Variants in ZNF721 observed in about 807,000 individuals in gnomAD.
The protein encoded by ZNF721 is zinc finger protein 721.
A neutral mutation model predicts 2.4 loss-of-function variants in ZNF721; 2 were observed. The ratio of observed to expected loss-of-function variants is 0.82; its 90% CI spans 0.34 to 2.58. The LOEUF (loss-of-function observed/expected upper bound fraction) is 2.58. ZNF721 is among the 30% of genes most tolerant of loss of function. ZNF721 has a pLI of 0.11. For synonymous variants in ZNF721, 398 were observed against 381.8 expected (o/e 1.04, Z -0.50); for missense variants, 1,187 against 1,085.5 (o/e 1.09, Z -1.31).
chr4:495,697 G>C (rs1716134825), intron 1 of ZNF721, among the ~76,000 whole-genome samples: 1 of 151,772 alleles, frequency 6.6e-6, no homozygotes, highest in African/African-American at 2.4e-5. Flanking sequence ...CCACCTCCCG[G>C]GTTCATACCA....
Position 443,899 on chromosome 4 carries a change from C to G in ZNF721, c.568G>C (p.Glu190Gln). ...LTAHKRIHNR[E>Q]KAYTGEDRDR... ...CGATCTTCACCTGTGTAAGCTTTCT[C>G]TCTGTTGTGAATTCTCTTATGTGCA... Residue 190 changes from glutamate (E) to glutamine (Q), a missense_variant, in exon 3 of 3, where the codon GAG becomes CAG. By Grantham distance (29) the Glu-to-Gln change is conservative (BLOSUM62 2). Transcript: ENST00000511833. The G allele has an allele frequency of 1.2e-6, 2 of 1,614,046 alleles. No individual in the cohort carries two copies. Among genetic ancestry groups the G allele is most frequent in the Non-Finnish European group, 1.7e-6 (2 of 1,179,980 alleles).
chr4:448,271 C>T (rs1714541048), intron 2 of ZNF721, among the ~76,000 whole-genome samples: 2 of 151,930 alleles, frequency 1.3e-5, no homozygotes, highest in African/African-American at 4.8e-5. Flanking sequence ...CCCGTCTCTA[C>T]TAAAAATACA....
At chr4:457,309 T>C (rs1714877244) in intron 2 of ZNF721, among the ~76,000 whole-genome samples, 2 of 152,180 alleles carry the variant, frequency 1.3e-5, no homozygotes, top group African/African-American at 4.8e-5. Flanking sequence ...AGTTATGTCC[T>C]GAAAAAAGGA....
chr4:448,442 C>CAA (rs35367332), intron 2 of ZNF721, among the ~76,000 whole-genome samples: 4 of 123,092 alleles, frequency 3.2e-5, no homozygotes, highest in Admixed American at 1.6e-4. Context: ...TATCCCCCCC[C>CAA]AAAAAAAAAA....
chr4:465,116 T>C (rs911063849), intron 2 of ZNF721, among the ~76,000 whole-genome samples: 14 of 146,452 alleles, frequency 9.6e-5, no homozygotes, highest in Non-Finnish European at 1.6e-4. Context: ...GGCCTGATGA[T>C]ACATGCCTGT....
At chr4:454,460 A>T (rs77842669) in intron 2 of ZNF721, among the ~76,000 whole-genome samples, 28 of 152,344 alleles carry the variant, frequency 1.8e-4, no homozygotes, top group African/African-American at 6.5e-4. Flanking sequence ...ATGGCATTAG[A>T]TATGCTTACC....
chr4:458,124 G>A (rs1714900978), intron 2 of ZNF721, among the ~76,000 whole-genome samples: 1 of 152,216 alleles, frequency 6.6e-6, no homozygotes, highest in African/African-American at 2.4e-5. Context: ...CACAGCGGGA[G>A]CCACACCTGC....
chr4:490,090 C>G (rs556414787), intron 1 of ZNF721, among the ~76,000 whole-genome samples: 3 of 152,050 alleles, frequency 2.0e-5, no homozygotes, highest in Non-Finnish European at 4.4e-5. Flanking sequence ...GATCCCCTGA[C>G]CTCGTGATCC....
rs1227190551 is a variant in ZNF721 at position 442,211 on chromosome 4, G to C, written c.2256C>G (p.Leu752=). ...EYKKIHTGDK[L]YKCKECGKVF... is the part of the protein sequence containing the mutation. ...CTTTCCCACATTCTTTACATTTGTA[G>C]AGTTTATCTCCAGTATGAATTTTCT... The change falls in exon 3 of 3, where the codon CTC becomes CTG. Residue 752 remains leucine (L), a synonymous_variant. Coordinates refer to ENST00000511833, the MANE Select transcript of ZNF721 (RefSeq NM_133474.4). 3 of 1,612,326 alleles carry C rather than the reference G, an allele frequency of 1.9e-6. No individual in the cohort carries two copies. The African/African-American group carries it at 4.0e-5, about 22-fold the overall frequency.
intron 2 of ZNF721, among the ~76,000 whole-genome samples, chr4:455,147 T>A (rs1714806088): frequency 6.6e-6 from 1 of 152,194 alleles, no homozygotes; most frequent in Non-Finnish European, 1.5e-5. Context: ...GCAATCTGCT[T>A]ATTATATCAT....
intron 2 of ZNF721, among the ~76,000 whole-genome samples, chr4:445,793 G>T (rs1228522025): frequency 2.0e-5 from 3 of 152,022 alleles, no homozygotes; most frequent in Admixed American, 6.6e-5. Flanking sequence ...CAGATTTATC[G>T]CAAGGCACAT....
Position 454,871 on chromosome 4 carries a change from A to G in ZNF721, c.35-10439T>C, listed in dbSNP as rs547643327. Among the ~76,000 whole-genome samples, 6 of 152,330 alleles carry G rather than the reference A, an allele frequency of 3.9e-5. No homozygotes were observed. The East Asian group carries it at 1.2e-3, about 29-fold the overall frequency. On this transcript the variant is annotated intron_variant, in intron 2 of 2. Coordinates refer to ENST00000511833, the MANE Select transcript of ZNF721 (RefSeq NM_133474.4). The stretch of plus-strand genomic sequence containing the variant: ...TGTTAGTTATTGAAAACAATAGACA[A>G]TTGCAAAAACAAGTTGATCTTTTTG...
chr4:463,946 T>C (rs1448151733), intron 2 of ZNF721, among the ~76,000 whole-genome samples: 1 of 151,978 alleles, frequency 6.6e-6, no homozygotes, highest in Non-Finnish European at 1.5e-5. Flanking sequence ...AAAAAATGGC[T>C]AACAGAGAAT....
chr4:478,122 A>G (rs782519379), intron 1 of ZNF721, among the ~76,000 whole-genome samples: 3 of 152,192 alleles, frequency 2.0e-5, no homozygotes, highest in Non-Finnish European at 2.9e-5. Context: ...CTCCTCTTGT[A>G]GTGTACTTTA....
At chr4:492,615 T>G (rs1159003289) in intron 1 of ZNF721, among the ~76,000 whole-genome samples, 11 of 151,496 alleles carry the variant, frequency 7.3e-5, no homozygotes, top group African/African-American at 1.7e-4. Flanking sequence ...GTTTTGGGTT[T>G]TTTTTTTTTT....
At chr4:487,385 C>G (rs1715923684) in intron 1 of ZNF721, among the ~76,000 whole-genome samples, 1 of 152,192 alleles carries the variant, frequency 6.6e-6, no homozygotes, top group South Asian at 2.1e-4. Context: ...CCTCAGTTTA[C>G]AGACAGCTCA....
chr4:479,350 G>A (rs377440370), intron 1 of ZNF721, among the ~76,000 whole-genome samples: 4 of 152,210 alleles, frequency 2.6e-5, no homozygotes, highest in South Asian at 4.1e-4. Context: ...GCACGTGGTG[G>A]TCCTGTCACC....
intron 2 of ZNF721, among the ~76,000 whole-genome samples, chr4:446,966 G>A (rs186192181): frequency 7.9e-5 from 12 of 152,234 alleles, no homozygotes; most frequent in African/African-American, 2.4e-4. Flanking sequence ...GATTACACAC[G>A]TGAGTCACCG....
intron 1 of ZNF721, among the ~76,000 whole-genome samples, chr4:485,165 G>A (rs1162299748): frequency 3.3e-5 from 5 of 152,056 alleles, no homozygotes; most frequent in African/African-American, 7.2e-5. Context: ...GAGCTACCAC[G>A]CCCAGCGAGT....
Sources: gnomAD v4.1 joint callset for allele counts (sites outside exome capture counted in the v4.1 genomes callset) on GRCh38, gnomAD v4.1.1 for gene constraint, MANE v1.5 for transcripts, NCBI Gene and HGNC (gene_info 2026-07-23, HGNC 2026-07-21) for gene names.